POU3F3: variants seen among roughly 807,000 people sequenced by gnomAD.
POU3F3 encodes the protein POU class 3 homeobox 3, also known as POU domain, class 3, transcription factor 3.
In POU3F3, 1 loss-of-function variant was observed where a neutral mutation model predicts 8.6. The observed-to-expected ratio is 0.12, with a 90% CI of 0.04 to 0.55. The LOEUF (loss-of-function observed/expected upper bound fraction) is 0.55. Among genes scored for constraint, POU3F3 ranks in the 20% least tolerant of loss-of-function variants. The pLI, the probability that POU3F3 is intolerant of heterozygous loss-of-function variation, is 0.91. For missense variants in POU3F3, 577 were observed against 690.7 expected (o/e 0.84, Z 1.84); for synonymous variants, 418 against 327.4 (o/e 1.28, Z -2.99).
the POU3F3 span, among the ~76,000 whole-genome samples, chr2:104,882,901 G>A: frequency 6.6e-6 from 1 of 152,178 alleles, no homozygotes; most frequent in African/African-American, 2.4e-5. Flanking sequence ...GCTTTGCAAA[G>A]AGTATTAGGA....
chr2:104,917,226 G>C, the POU3F3 span, among the ~76,000 whole-genome samples: 1 of 152,142 alleles, frequency 6.6e-6, no homozygotes, highest in Non-Finnish European at 1.5e-5. Context: ...ATAAGCCAGT[G>C]TGCAATCTAA....
the POU3F3 span, among the ~76,000 whole-genome samples, chr2:104,876,335 G>T: frequency 1.3e-5 from 2 of 152,186 alleles, no homozygotes; most frequent in African/African-American, 4.8e-5. Context: ...TGGGTGATTG[G>T]TGGAAATCTT....
the POU3F3 span, among the ~76,000 whole-genome samples, chr2:104,889,212 G>A: frequency 2.0e-5 from 3 of 152,134 alleles, no homozygotes; most frequent in African/African-American, 4.8e-5. Flanking sequence ...GCTAAGAGCC[G>A]GGTCCTTGAC....
At chr2:104,881,592 CAT>C in the POU3F3 span, among the ~76,000 whole-genome samples, 1 of 152,178 alleles carries the variant, frequency 6.6e-6, no homozygotes, top group Admixed American at 6.5e-5. Flanking sequence ...CATACACACA[CAT>C]AGGTATTATT....
the POU3F3 span, among the ~76,000 whole-genome samples, chr2:104,920,517 G>C: frequency 6.6e-6 from 1 of 152,046 alleles, no homozygotes; most frequent in African/African-American, 2.4e-5. Flanking sequence ...AAATTGACCC[G>C]ACCAATTTTC....
chr2:104,887,088 G>T, the POU3F3 span, among the ~76,000 whole-genome samples: 14 of 152,096 alleles, frequency 9.2e-5, no homozygotes, highest in African/African-American at 2.4e-5. Context: ...ACCATATAGG[G>T]TGACTTCCTG....
chr2:104,855,459 T>TG lies in POU3F3; in HGVS notation c.-51dup. 1.3e-6 allele frequency: 1 copy of TG among 788,512 alleles called. No individual in the cohort carries two copies. The highest frequency in any genetic ancestry group is 1.5e-6 in the Non-Finnish European group (1 of 687,026). The allele number at this position is 788,512 out of a possible 1,614,324, so 48.8% of individuals were successfully genotyped here. ...CGGCGGCGGCGGCCGCGGCTGCTGC[T>TG]GCGGCGGCGGCGGCGGTGGTGGCGG... On this transcript the variant is annotated 5_prime_UTR_variant, in exon 1 of 1. Coordinates refer to ENST00000361360, the MANE Select transcript of POU3F3 (RefSeq NM_006236.3).
the POU3F3 span, among the ~76,000 whole-genome samples, chr2:104,869,116 T>C: frequency 3.3e-5 from 5 of 152,256 alleles, no homozygotes; most frequent in African/African-American, 1.2e-4. Flanking sequence ...CTCCCTTTGG[T>C]GCCTCCCTAG....
the POU3F3 span, among the ~76,000 whole-genome samples, chr2:104,890,046 G>A: frequency 6.6e-6 from 1 of 152,116 alleles, no homozygotes; most frequent in Admixed American, 6.5e-5. Flanking sequence ...CGACCTCAAG[G>A]TTTAACCTTT....
In POU3F3 at chr2:104,855,746, A is replaced by G; in HGVS notation, c.236A>G (p.Gln79Arg). The G allele has an allele frequency of 7.7e-7, 1 of 1,303,680 alleles. No homozygotes were observed. The highest frequency in any genetic ancestry group is 1.0e-6 in the Non-Finnish European group (1 of 1,002,822). The allele number at this position is 1,303,680 out of a possible 1,614,324, so 80.8% of individuals were successfully genotyped here. A position where few individuals can be genotyped will look rare whatever the true frequency, so the allele number is the denominator to read the frequency against. ...SVKMVQSDFM[Q>R]GAMAASNGGH... ...AAGATGGTCCAGAGCGACTTCATGC[A>G]GGGGGCCATGGCCGCCAGCAACGGC... The change falls in exon 1 of 1, where the codon CAG (glutamine) becomes CGG (arginine). Residue 79 changes from glutamine (Q) to arginine (R), a missense_variant. By Grantham distance (43) the Gln-to-Arg change is conservative (BLOSUM62 1). This residue lies in a region of POU3F3 where 484 missense variants were observed against 422.6 expected (regional missense o/e 1.15). Transcript: ENST00000361360.
At chr2:104,896,158 T>C in the POU3F3 span, among the ~76,000 whole-genome samples, 1 of 152,162 alleles carries the variant, frequency 6.6e-6, no homozygotes, top group Non-Finnish European at 1.5e-5. Flanking sequence ...TCCTCCCAGC[T>C]CCAAGGAAGC....
chr2:104,910,284 T>A, the POU3F3 span, among the ~76,000 whole-genome samples: 1 of 152,166 alleles, frequency 6.6e-6, no homozygotes, highest in African/African-American at 2.4e-5. Flanking sequence ...GAAAGTCAAG[T>A]TTGGGCAACA....
rs1311876100 is a variant in POU3F3 at position 104,856,135 on chromosome 2, A to G, written c.625A>G (p.Met209Val). 4 of 1,206,772 alleles carry G rather than the reference A, an allele frequency of 3.3e-6. No individual in the cohort carries two copies. The highest frequency in any genetic ancestry group is 1.7e-5 in the African/African-American group (1 of 60,604). The allele number at this position is 1,206,772 out of a possible 1,614,324, so 74.8% of individuals were successfully genotyped here. A position where few individuals can be genotyped will look rare whatever the true frequency, so the allele number is the denominator to read the frequency against. Residue 209 changes from methionine to valine, a missense_variant, in exon 1 of 1, where the codon ATG (methionine) becomes GTG (valine). By Grantham distance (21) the Met-to-Val change is conservative (BLOSUM62 1). This residue lies in a region of POU3F3 where 484 missense variants were observed against 422.6 expected (regional missense o/e 1.15). Coordinates refer to ENST00000361360, the MANE Select transcript of POU3F3 (RefSeq NM_006236.3). The part of the protein sequence containing the change: ...AAAAAAHLPS[M>V]AGGQQPPPQS... The stretch of plus-strand genomic sequence containing the variant: ...CGCCGCCGCCGCGCACCTCCCGTCC[A>G]TGGCCGGGGGCCAGCAGCCGCCGCC...
At chr2:104,863,036 T>C (rs1255189876), downstream of POU3F3, among the ~76,000 whole-genome samples, 1 of 151,944 alleles carries the variant, frequency 6.6e-6, no homozygotes, top group East Asian at 1.9e-4. Flanking sequence ...TCGGGGTTAC[T>C]GATAATTGTC....
the POU3F3 span, among the ~76,000 whole-genome samples, chr2:104,902,859 C>A: frequency 2.0e-4 from 30 of 152,322 alleles, no homozygotes; most frequent in East Asian, 5.2e-3. Context: ...ATTCACCACA[C>A]TGAGACAGGG....
the POU3F3 span, among the ~76,000 whole-genome samples, chr2:104,911,246 A>G: frequency 5.9e-5 from 9 of 151,474 alleles, no homozygotes; most frequent in Admixed American, 1.3e-4. Flanking sequence ...CATCTCTACT[A>G]AAAAGTACAA....
the POU3F3 span, among the ~76,000 whole-genome samples, chr2:104,899,401 G>C: frequency 4.6e-5 from 7 of 152,078 alleles, no homozygotes; most frequent in Non-Finnish European, 1.0e-4. Flanking sequence ...TGAGTATATG[G>C]CATTTCTGGC....
At chr2:104,913,763 G>C in the POU3F3 span, among the ~76,000 whole-genome samples, 80 of 152,278 alleles carry the variant, frequency 5.3e-4, 3 homozygotes, top group East Asian at 0.015. Context: ...CCTGAACGTA[G>C]AGCCTGATAC....
chr2:104,907,145 C>T, the POU3F3 span, among the ~76,000 whole-genome samples: 1 of 152,158 alleles, frequency 6.6e-6, no homozygotes, highest in Non-Finnish European at 1.5e-5. Context: ...TGCCAAGCTC[C>T]TTTTCCACAG....
Sources: gnomAD v4.1 joint callset for allele counts (sites outside exome capture counted in the v4.1 genomes callset) on GRCh38, gnomAD v4.1.1 for gene constraint, gnomAD v4.1.1 regional missense constraint, MANE v1.5 for transcripts, NCBI Gene and HGNC (gene_info 2026-07-23, HGNC 2026-07-21) for gene names.